The following ATXN10 variants were observed in gnomAD, a reference collection of about 807,000 sequenced individuals.
The protein encoded by ATXN10 is ataxin-10.
In ATXN10, 28 loss-of-function variants were observed where a neutral mutation model predicts 52.9. The observed-to-expected ratio is 0.53, with a 90% CI of 0.39 to 0.73. ATXN10 has a LOEUF of 0.73. Among genes scored for constraint, ATXN10 ranks in the 30% least tolerant of loss-of-function variants. The pLI is 0.00. For missense variants in ATXN10, 565 were observed against 577.0 expected (o/e 0.98, Z 0.21); for synonymous variants, 226 against 221.5 (o/e 1.02, Z -0.18).
rs1244758424 is a variant in ATXN10 at position 45,819,655 on chromosome 22, C to A, written c.1237+12633C>A. Among the ~76,000 whole-genome samples the A allele has an allele frequency of 2.0e-5, 3 of 152,174 alleles. No individual in the cohort carries two copies. The highest frequency in any genetic ancestry group is 7.2e-5 in the African/African-American group (3 of 41,448). ...CTGGAGGGAAGTGTGACTGCCTGTG[C>A]ATGAAGTGCTGAGATGAGTTCTTGG... On this transcript the variant is annotated intron_variant, in intron 10 of 11. Coordinates refer to ENST00000252934, the MANE Select transcript of ATXN10 (RefSeq NM_013236.4). This position sits in a 1 kb window ranked among gnomAD's most constrained non-coding sequence, Gnocchi z 4.5.
Position 45,736,384 on chromosome 22 carries a change from A to G in ATXN10, c.895-2347A>G, listed in dbSNP as rs74563552. On this transcript the variant is annotated intron_variant, in intron 7 of 11. Transcript: ENST00000252934. ...AAGAAAACATCTAAAATAACTAATAATAACATTTATTATCAAATAAATAGT... is the reference window on the plus strand; with the variant it reads ...AAGAAAACATCTAAAATAACTAATAGTAACATTTATTATCAAATAAATAGT... Among the ~76,000 whole-genome samples, 1,398 of 152,280 alleles carry G rather than the reference A, an allele frequency of 9.2e-3. 17 individuals are homozygous for G. Among genetic ancestry groups the G allele is most frequent in the African/African-American group, 0.032 (1,324 of 41,556 alleles).
In ATXN10 at chr22:45,819,807, G is replaced by A. The variant is rs560625568; in HGVS notation, c.1237+12785G>A. On this transcript the variant is annotated intron_variant, in intron 10 of 11. Transcript: ENST00000252934. This position sits in a 1 kb window ranked among gnomAD's most constrained non-coding sequence, Gnocchi z 4.5. ...AAAAACAGCAGTGACTTTTGGATAC[G>A]TTGAGAAAGTTAATACCTTTTTAAA... Among the ~76,000 whole-genome samples, 5 of 152,280 alleles carry A rather than the reference G, an allele frequency of 3.3e-5. No individual in the cohort carries two copies. Among genetic ancestry groups the A allele is most frequent in the East Asian group, 3.9e-4 (2 of 5,190 alleles).
chr22:45,798,808 T>C (rs1168990010), intron 9 of ATXN10, among the ~76,000 whole-genome samples: 1 of 152,180 alleles, frequency 6.6e-6, no homozygotes, highest in East Asian at 1.9e-4. Flanking sequence ...GGTTACAAGA[T>C]ATGTAAATGA....
intron 9 of ATXN10, among the ~76,000 whole-genome samples, chr22:45,788,296 C>T (rs1927387770): frequency 6.6e-6 from 1 of 152,054 alleles, no homozygotes; most frequent in Admixed American, 6.6e-5. Flanking sequence ...AAACTGTGCC[C>T]TTGAGTCCCG....
rs1013737000 is a variant in ATXN10 at position 45,770,930 on chromosome 22, A to G, written c.1173+30392A>G. On this transcript the variant is annotated intron_variant, in intron 9 of 11. Coordinates refer to ENST00000252934, the MANE Select transcript of ATXN10 (RefSeq NM_013236.4). The surrounding 1 kb of genome is among the most constrained non-coding windows in gnomAD (Gnocchi z 4.5). ...GAGGACAGAGCCACAGAGCCTTCTC[A>G]GAGAGAAGAACCCAGATCCATCCTG... 5.9e-5 allele frequency among the ~76,000 whole-genome samples: 9 copies of G among 152,214 alleles called. No homozygotes were observed. The highest frequency in any genetic ancestry group is 1.9e-4 in the East Asian group (1 of 5,198).
intron 5 of ATXN10, among the ~76,000 whole-genome samples, chr22:45,706,698 G>GTTTAT (rs138146): frequency 2.6e-5 from 4 of 151,776 alleles, no homozygotes; most frequent in East Asian, 1.9e-4. Flanking sequence ...CCACATATTT[G>GTTTAT]TTTCTAATTT....
intron 5 of ATXN10, among the ~76,000 whole-genome samples, chr22:45,706,476 C>T (rs759792717): frequency 6.6e-6 from 1 of 152,052 alleles, no homozygotes; most frequent in Admixed American, 6.5e-5. Flanking sequence ...TCTAGTTTCT[C>T]AAGATGGAAG....
intron 10 of ATXN10, among the ~76,000 whole-genome samples, chr22:45,838,539 A>G (rs1225049701): frequency 3.3e-5 from 5 of 152,188 alleles, no homozygotes; most frequent in African/African-American, 1.2e-4. Context: ...AGCACTTCAG[A>G]TGTTGGTGGG....
At position 45,696,834 on chromosome 22, in the gene ATXN10, C is replaced by T. The variant is rs917563670; in HGVS notation, c.392-3448C>T. Among the ~76,000 whole-genome samples, 12 of 152,170 alleles carry T rather than the reference C, an allele frequency of 7.9e-5. No individual in the cohort carries two copies. Among genetic ancestry groups the T allele is most frequent in the African/African-American group, 2.4e-4 (10 of 41,444 alleles). On this transcript the variant is annotated intron_variant, in intron 3 of 11. Coordinates refer to ENST00000252934, the MANE Select transcript of ATXN10 (RefSeq NM_013236.4). The surrounding 1 kb of genome is among the most constrained non-coding windows in gnomAD (Gnocchi z 4.7). ...GTAGATGACCTAAGAAAAAATTTAACGGAGCAGATATCTGAAACTACTTTT... is the reference window on the plus strand; with the variant it reads ...GTAGATGACCTAAGAAAAAATTTAATGGAGCAGATATCTGAAACTACTTTT...
chr22:45,836,661 G>A (rs1174454932), intron 10 of ATXN10, among the ~76,000 whole-genome samples: 1 of 152,164 alleles, frequency 6.6e-6, no homozygotes, highest in Admixed American at 6.5e-5. Flanking sequence ...TGCCTTTTCA[G>A]GGCCACACTC....
chr22:45,799,450 A>G (rs143544552), intron 9 of ATXN10, among the ~76,000 whole-genome samples: 1 of 152,242 alleles, frequency 6.6e-6, no homozygotes, highest in Non-Finnish European at 1.5e-5. Flanking sequence ...ATGGGCCCCT[A>G]ATCCAGTATG....
rs562814369 is a variant in ATXN10 at position 45,728,006 on chromosome 22, C to T, written c.729-1419C>T. Among the ~76,000 whole-genome samples the T allele has an allele frequency of 1.3e-5, 2 of 151,968 alleles. No individual in the cohort carries two copies. Among genetic ancestry groups the T allele is most frequent in the African/African-American group, 4.8e-5 (2 of 41,462 alleles). On this transcript the variant is annotated intron_variant, in intron 6 of 11. Coordinates refer to ENST00000252934, the MANE Select transcript of ATXN10 (RefSeq NM_013236.4). This position sits in a 1 kb window ranked among gnomAD's most constrained non-coding sequence, Gnocchi z 4.3. ...TTTTAGGTGAGTCTCTTGAAGACAG[C>T]AGGTATTTGGTTTGTGATTTTTTTT...
At chr22:45,742,652 T>A (rs1925581236) in intron 9 of ATXN10, among the ~76,000 whole-genome samples, 1 of 152,074 alleles carries the variant, frequency 6.6e-6, no homozygotes, top group Non-Finnish European at 1.5e-5. Context: ...GGGAGAAAGA[T>A]TGAAAATAAA....
In ATXN10 at chr22:45,790,515, CTG is replaced by C. The variant is rs929420024; in HGVS notation, c.1174-16441_1174-16440del. Among the ~76,000 whole-genome samples, 5 of 152,156 alleles carry C rather than the reference CTG, an allele frequency of 3.3e-5. No homozygotes were observed. Among genetic ancestry groups the C allele is most frequent in the African/African-American group, 1.2e-4 (5 of 41,430 alleles). On this transcript the variant is annotated intron_variant, in intron 9 of 11. Coordinates refer to ENST00000252934, the MANE Select transcript of ATXN10 (RefSeq NM_013236.4). This position sits in a 1 kb window ranked among gnomAD's most constrained non-coding sequence, Gnocchi z 4.7. ...CAACTAGCAGACCATAGCAGAAAGT[CTG>C]TGATATCTGAGGGAAAGATGGAGAA...
In ATXN10 at chr22:45,805,139, G is replaced by T. The variant is rs1162714746; in HGVS notation, c.1174-1820G>T. Among the ~76,000 whole-genome samples, 2 of 152,114 alleles carry T rather than the reference G, an allele frequency of 1.3e-5. No homozygotes were observed. Among genetic ancestry groups the T allele is most frequent in the Non-Finnish European group, 2.9e-5 (2 of 68,012 alleles). On this transcript the variant is annotated intron_variant, in intron 9 of 11. Transcript: ENST00000252934. This position sits in a 1 kb window ranked among gnomAD's most constrained non-coding sequence, Gnocchi z 4.4. ...CAGTATCATTAGTCATCAGAAATGC[G>T]CATCAAAACCACAATGGCATACCAC...
In ATXN10 at chr22:45,696,594, G is replaced by GT. The variant is rs1486252867; in HGVS notation, c.391+3523dup. 6.6e-6 allele frequency among the ~76,000 whole-genome samples: 1 copy of GT among 152,114 alleles called. No homozygotes were observed. The highest frequency in any genetic ancestry group is 1.5e-5 in the Non-Finnish European group (1 of 68,032). ...ATCCCCTTGCTCTCAGGCAGCCTCTGTTTTTTTCCTCTTTACTCCATCATT... is the reference window on the plus strand; with the variant it reads ...ATCCCCTTGCTCTCAGGCAGCCTCTGTTTTTTTTCCTCTTTACTCCATCATT... On this transcript the variant is annotated intron_variant, in intron 3 of 11. Coordinates refer to ENST00000252934, the MANE Select transcript of ATXN10 (RefSeq NM_013236.4). This position sits in a 1 kb window ranked among gnomAD's most constrained non-coding sequence, Gnocchi z 4.7.
At chr22:45,771,815 C>T (rs1926789863) in intron 9 of ATXN10, among the ~76,000 whole-genome samples, 1 of 152,034 alleles carries the variant, frequency 6.6e-6, no homozygotes, top group Non-Finnish European at 1.5e-5. Context: ...AGAGAAGGGG[C>T]CTCTGCTGTG....
Position 45,728,743 on chromosome 22 carries a change from G to C in ATXN10, c.729-682G>C, listed in dbSNP as rs942331130. ...TCCTAGGAGAAGGAAAGAGATGGTT[G>C]AAAAGAAATATTTATTTGGTAACTT... On this transcript the variant is annotated intron_variant, in intron 6 of 11. Transcript: ENST00000252934. This position sits in a 1 kb window ranked among gnomAD's most constrained non-coding sequence, Gnocchi z 4.3. Among the ~76,000 whole-genome samples the C allele has an allele frequency of 1.3e-5, 2 of 152,184 alleles. No individual in the cohort carries two copies. Among genetic ancestry groups the C allele is most frequent in the African/African-American group, 4.8e-5 (2 of 41,448 alleles).
chr22:45,822,447 C>G (rs993976149), intron 10 of ATXN10, among the ~76,000 whole-genome samples: 4 of 151,400 alleles, frequency 2.6e-5, no homozygotes, highest in African/African-American at 9.7e-5. Context: ...CTTGCCAACA[C>G]TTGATGCAGT....
Sources: allele counts gnomAD v4.1 joint callset (sites outside exome capture counted in the v4.1 genomes callset), GRCh38; gene constraint gnomAD v4.1.1; non-coding constraint Gnocchi (gnomAD v3.1); transcripts MANE v1.5; gene names NCBI Gene and HGNC (gene_info 2026-07-23, HGNC 2026-07-21).